DYSF: variants seen among roughly 807,000 people sequenced by gnomAD.
DYSF encodes the protein dysferlin, also known as dystrophy-associated fer-1-like 1.
A neutral mutation model predicts 274.9 loss-of-function variants in DYSF; 212 were observed. That is an observed-to-expected ratio of 0.77 (90% CI 0.69 to 0.86). The LOEUF is 0.86. Among genes scored for constraint, DYSF ranks in the 40% least tolerant of loss-of-function variants. The pLI, the probability that DYSF is intolerant of heterozygous loss-of-function variation, is 0.00. For missense variants in DYSF, 2,666 were observed against 2,783.2 expected, an observed-to-expected ratio of 0.96 and a Z score of 0.95; for synonymous variants, 1,091 against 1,078.7, an observed-to-expected ratio of 1.01 and a Z score of -0.22.
At chr2:71,611,090 T>C (rs1406778465) in intron 36 of DYSF, among the ~76,000 whole-genome samples, 155 bp from the exon 37 acceptor site, 1 of 152,188 alleles carries the variant, frequency 6.6e-6, no homozygotes, top group South Asian at 2.1e-4. Flanking sequence ...CTTAGCTTTT[T>C]CGTTTCTGCC....
intron 55 of DYSF, among the ~76,000 whole-genome samples, chr2:71,684,658 G>A (rs907892425): frequency 2.0e-5 from 3 of 152,162 alleles, no homozygotes; most frequent in Admixed American, 6.5e-5. Flanking sequence ...TGGTGTAGTC[G>A]GAGGACTAGC....
At chr2:71,487,541 C>T (rs978930475) in intron 3 of DYSF, among the ~76,000 whole-genome samples, 11 of 152,214 alleles carry the variant, frequency 7.2e-5, no homozygotes, top group African/African-American at 2.7e-4. Flanking sequence ...CAGAGTCTCG[C>T]TCTGTCGCCC....
chr2:71,616,100 A>G (rs1293183355), intron 40 of DYSF, among the ~76,000 whole-genome samples: 2 of 152,162 alleles, frequency 1.3e-5, no homozygotes, highest in Non-Finnish European at 2.9e-5. Flanking sequence ...CATTTAGAAC[A>G]TGTCACCGGA....
intron 26 of DYSF, among the ~76,000 whole-genome samples, chr2:71,568,794 C>T (rs564650873): frequency 2.0e-5 from 3 of 152,158 alleles, no homozygotes; most frequent in Admixed American, 6.5e-5. Flanking sequence ...CTCCTGGGCT[C>T]AAGTGATTCT....
chr2:71,662,542 GGT>G (rs551548127), intron 45 of DYSF, among the ~76,000 whole-genome samples: 15 of 151,580 alleles, frequency 9.9e-5, no homozygotes, highest in Non-Finnish European at 2.2e-4. Context: ...GTGTCTGTGT[GGT>G]GTGTGTATAT....
chr2:71,535,458 G>T, intron 16 of DYSF, 147 bp downstream of exon 16: 1 of 877,928 alleles, frequency 1.1e-6, no homozygotes, highest in Non-Finnish European at 1.9e-6. Flanking sequence ...GCCAGGGATG[G>T]AGAGGGTGTG....
chr2:71,677,310 C>T (rs986548595), intron 52 of DYSF, among the ~76,000 whole-genome samples: 1 of 152,124 alleles, frequency 6.6e-6, no homozygotes, highest in African/African-American at 2.4e-5. Context: ...AATTGAAACA[C>T]CTTTGCATGG....
intron 16 of DYSF, among the ~76,000 whole-genome samples, chr2:71,535,523 G>C (rs976022743): frequency 6.6e-6 from 1 of 152,100 alleles, no homozygotes; most frequent in Admixed American, 6.5e-5. Flanking sequence ...GGCAGATAAG[G>C]AGGAATCATC....
intron 17 of DYSF, among the ~76,000 whole-genome samples, chr2:71,547,690 G>C: frequency 6.6e-6 from 1 of 152,210 alleles, no homozygotes; most frequent in East Asian, 1.9e-4. Context: ...TAATGAAAAG[G>C]TGTGGTTGCG....
chr2:71,634,431 C>T (rs941559517), intron 41 of DYSF, among the ~76,000 whole-genome samples: 4 of 152,088 alleles, frequency 2.6e-5, no homozygotes, highest in African/African-American at 7.2e-5. Flanking sequence ...GAATAGCTGT[C>T]CTGTTTTTTG....
chr2:71,605,465 T>G (rs1349067605), intron 36 of DYSF, among the ~76,000 whole-genome samples: 1 of 152,124 alleles, frequency 6.6e-6, no homozygotes, highest in Non-Finnish European at 1.5e-5. Flanking sequence ...CAGGGCCCCC[T>G]AGGATACAGA....
intron 14 of DYSF, among the ~76,000 whole-genome samples, chr2:71,531,505 G>A (rs1295695494): frequency 1.3e-5 from 2 of 151,836 alleles, no homozygotes; most frequent in Non-Finnish European, 2.9e-5. Flanking sequence ...AACATGACAT[G>A]TCCATGATCA....
chr2:71,644,683 A>G (rs2094540573), intron 42 of DYSF, among the ~76,000 whole-genome samples: 1 of 152,226 alleles, frequency 6.6e-6, no homozygotes, highest in Non-Finnish European at 1.5e-5. Flanking sequence ...AGGAAATTAT[A>G]CAAATATAAT....
chr2:71,667,262 G>A (rs1230564023), intron 47 of DYSF, 114 bp from the exon 48 acceptor site: 7 of 1,479,178 alleles, frequency 4.7e-6, no homozygotes, highest in African/African-American at 4.2e-5. Context: ...GAGGCTGCGG[G>A]GGTTAGAGCT....
chr2:71,611,477 G>A lies in DYSF; in HGVS notation c.4072G>A (p.Gly1358Ser). 2 of 1,614,118 alleles carry A rather than the reference G, an allele frequency of 1.2e-6. No homozygotes were observed. Among genetic ancestry groups the A allele is most frequent in the Non-Finnish European group, 1.7e-6 (2 of 1,180,026 alleles). Residue 1358 changes from glycine to serine, a missense_variant, in exon 38 of 56, where the codon GGC (glycine) becomes AGC (serine). Transcript: ENST00000410020. ...TCTGTGTGCTTAGATCCTGGCATGG[G>A]GCCTGCGGAACATGAAGAGTTACCA... ...QRTAIEILAWGLRNMKSYQLA... is the reference protein window; with the variant it reads ...QRTAIEILAWSLRNMKSYQLA...
At chr2:71,563,214 C>A (rs535403041) in intron 23 of DYSF, among the ~76,000 whole-genome samples, 2 of 152,370 alleles carry the variant, frequency 1.3e-5, no homozygotes, top group East Asian at 3.9e-4. Flanking sequence ...GAAAAACCTG[C>A]ATTGGCTCCT....
chr2:71,673,445 C>T (rs1017125660), intron 51 of DYSF, among the ~76,000 whole-genome samples: 1 of 152,162 alleles, frequency 6.6e-6, no homozygotes, highest in African/African-American at 2.4e-5. Flanking sequence ...ACGGAACTTC[C>T]CAGCACTTCA....
chr2:71,543,485 G>A (rs940434517), intron 17 of DYSF, among the ~76,000 whole-genome samples: 3 of 152,330 alleles, frequency 2.0e-5, no homozygotes, highest in Non-Finnish European at 2.9e-5. Flanking sequence ...CTGCGATCTC[G>A]GCACTTTGGG....
intron 52 of DYSF, among the ~76,000 whole-genome samples, chr2:71,677,243 G>GA (rs1323953483): frequency 6.6e-6 from 1 of 152,036 alleles, no homozygotes; most frequent in Non-Finnish European, 1.5e-5. Context: ...AAGAAAACTA[G>GA]AAAAAGAGTT....
Sources: allele counts gnomAD v4.1 joint callset (sites outside exome capture counted in the v4.1 genomes callset), GRCh38; gene constraint gnomAD v4.1.1; transcripts MANE v1.5; gene names NCBI Gene and HGNC (gene_info 2026-07-23, HGNC 2026-07-21).